Variants in ARIH1 observed in about 807,000 individuals in gnomAD.
ARIH1 encodes ariadne RBR E3 ubiquitin protein ligase 1.
A neutral mutation model predicts 85.0 loss-of-function variants in ARIH1; 8 were observed. The observed-to-expected ratio is 0.09, with a 90% CI of 0.06 to 0.17. The LOEUF is 0.17. Ranked by LOEUF, ARIH1 falls within the 10% of genes least tolerant of loss-of-function variation. The probability of loss-of-function intolerance (pLI) is 1.00; values close to 1 mark genes in which losing one functional copy is unlikely to be tolerated. For missense variants in ARIH1, 311 were observed against 718.1 expected (o/e 0.43, Z 6.48); for synonymous variants, 238 against 253.6 (o/e 0.94, Z 0.59).
chr15:72,524,844 A>G (rs1375655030), intron 2 of ARIH1, among the ~76,000 whole-genome samples: 1 of 152,232 alleles, frequency 6.6e-6, no homozygotes, highest in Non-Finnish European at 1.5e-5. Context: ...TGTTGAATTT[A>G]TAAATAAAAT....
In ARIH1 at chr15:72,586,839, T is replaced by C. The variant is rs2064319094; in HGVS notation, c.*3547T>C. On this transcript the variant is annotated 3_prime_UTR_variant, in exon 14 of 14. Coordinates refer to ENST00000379887, the MANE Select transcript of ARIH1 (RefSeq NM_005744.5). ...GATACAAAAATGTTCAATAGCTCTT[T>C]GAATGCCACTTTTTTTAAAGAAAAT... is the stretch of plus-strand genomic sequence containing the variant. 1 of 160,082 alleles carries C rather than the reference T, an allele frequency of 6.2e-6. No homozygotes were observed. Among genetic ancestry groups the C allele is most frequent in the African/African-American group, 2.4e-5 (1 of 41,502 alleles). 9.9% of individuals were successfully genotyped at this position (160,082 alleles called of 1,614,324 possible). A position where few individuals can be genotyped will look rare whatever the true frequency, so the allele number is the denominator to read the frequency against.
At chr15:72,509,899 CTT>C (rs760955928) in intron 1 of ARIH1, among the ~76,000 whole-genome samples, 14 of 143,314 alleles carry the variant, frequency 9.8e-5, no homozygotes, top group East Asian at 2.0e-4. Flanking sequence ...CCAGCCCCAC[CTT>C]TTTTTTTTTT....
chr15:72,496,269 A>G (rs1490359333), intron 1 of ARIH1, among the ~76,000 whole-genome samples: 1 of 152,168 alleles, frequency 6.6e-6, no homozygotes, highest in Non-Finnish European at 1.5e-5. Flanking sequence ...ACTGTTACAT[A>G]TTGTTTTAAG....
At chr15:72,538,965 A>G (rs1863566126) in intron 2 of ARIH1, among the ~76,000 whole-genome samples, 1 of 152,226 alleles carries the variant, frequency 6.6e-6, no homozygotes, top group Non-Finnish European at 1.5e-5. Context: ...TCACTAAGGA[A>G]AGGCTGAAGG....
chr15:72,567,972 G>A (rs553548536), intron 9 of ARIH1, among the ~76,000 whole-genome samples: 153 of 152,280 alleles, frequency 1.0e-3, no homozygotes, highest in South Asian at 3.1e-3. Context: ...ATTAAGAAGT[G>A]TGTAAACAAT....
intron 1 of ARIH1, among the ~76,000 whole-genome samples, chr15:72,488,201 A>G (rs919072660): frequency 2.0e-5 from 3 of 151,708 alleles, no homozygotes; most frequent in Non-Finnish European, 2.9e-5. Context: ...ACACCTGGCT[A>G]ATTTTTTGTA....
chr15:72,600,723 A>G lies in ARIH1; in HGVS notation c.*17431A>G, dbSNP rs2064379747. ...AAAAGAGATTGTTCTAATTATGTATATAATTAAAGTACATTAGGTTTAGTG... is the reference window on the plus strand; with the variant it reads ...AAAAGAGATTGTTCTAATTATGTATGTAATTAAAGTACATTAGGTTTAGTG... On this transcript the variant is annotated 3_prime_UTR_variant, in exon 14 of 14. Transcript: ENST00000379887. The G allele has an allele frequency of 6.6e-6, 1 of 152,194 alleles. No individual in the cohort carries two copies. The highest frequency in any genetic ancestry group is 1.5e-5 in the Non-Finnish European group (1 of 68,044). The allele number at this position is 152,194 out of a possible 1,614,324, so 9.4% of individuals were successfully genotyped here.
chr15:72,483,099 G>C (rs1397355716), intron 1 of ARIH1, among the ~76,000 whole-genome samples: 1 of 151,970 alleles, frequency 6.6e-6, no homozygotes, highest in African/African-American at 2.4e-5. Flanking sequence ...TTAATTCAAG[G>C]GATCTGCCCG....
chr15:72,546,483 G>C (rs1406692389), intron 3 of ARIH1, among the ~76,000 whole-genome samples: 3 of 152,064 alleles, frequency 2.0e-5, no homozygotes, highest in Admixed American at 1.3e-4. Flanking sequence ...AATGTCACTG[G>C]GTTTTTCTTT....
intron 2 of ARIH1, among the ~76,000 whole-genome samples, chr15:72,536,084 G>A (rs916134070): frequency 2.6e-5 from 4 of 152,066 alleles, no homozygotes; most frequent in African/African-American, 9.7e-5. Flanking sequence ...GCCAGAAGTC[G>A]TAGACAACCA....
chr15:72,496,282 C>T lies in ARIH1; in HGVS notation c.375+21268C>T, dbSNP rs962914611. ...ATACTGTTACATATTGTTTTAAGCC[C>T]CCAAAGTTGTCTTACCTAGATGTGG... On this transcript the variant is annotated intron_variant, in intron 1 of 13. Coordinates refer to ENST00000379887, the MANE Select transcript of ARIH1 (RefSeq NM_005744.5). Among the ~76,000 whole-genome samples the T allele has an allele frequency of 2.0e-5, 3 of 152,072 alleles. No homozygotes were observed. In the East Asian group the frequency reaches 5.8e-4, roughly 29 times the overall value.
Position 72,567,197 on chromosome 15 carries a change from A to G in ARIH1, c.1026+20A>G. ...ACAAAGGTTGGTGTTTTCCTTCAGT[A>G]ACTCTTGGTAATAAAAATGATAAGG... On this transcript the variant is annotated intron_variant, in intron 9 of 13. Transcript: ENST00000379887. The G allele has an allele frequency of 6.3e-7, 1 of 1,588,950 alleles. No individual in the cohort carries two copies. Among genetic ancestry groups the G allele is most frequent in the Non-Finnish European group, 8.6e-7 (1 of 1,162,066 alleles).
chr15:72,499,487 T>C (rs1441898135), intron 1 of ARIH1, among the ~76,000 whole-genome samples: 1 of 152,242 alleles, frequency 6.6e-6, no homozygotes, highest in African/African-American at 2.4e-5. Context: ...TAGTTATATG[T>C]TATCAAAATA....
At chr15:72,478,259 G>A (rs561759960) in intron 1 of ARIH1, among the ~76,000 whole-genome samples, 1 of 152,186 alleles carries the variant, frequency 6.6e-6, no homozygotes, top group Admixed American at 6.5e-5. Context: ...GGGATTACAG[G>A]TGTGCACCAC....
chr15:72,552,650 G>C (rs926171341), intron 3 of ARIH1, among the ~76,000 whole-genome samples: 1 of 152,074 alleles, frequency 6.6e-6, no homozygotes, highest in East Asian at 1.9e-4. Context: ...AGAATTTGTG[G>C]TACTGTTACA....
At chr15:72,542,344 AC>A (rs1298488199) in intron 2 of ARIH1, among the ~76,000 whole-genome samples, 1 of 152,188 alleles carries the variant, frequency 6.6e-6, no homozygotes, top group African/African-American at 2.4e-5. Context: ...AAAGAAAGCA[AC>A]CCATGAAACA....
At chr15:72,563,242 A>G in intron 6 of ARIH1, 152 bp from the exon 7 acceptor site, 1 of 594,004 alleles carries the variant, frequency 1.7e-6, no homozygotes. Context: ...TTTTTAAGGT[A>G]GAGACAAGGT....
intron 3 of ARIH1, among the ~76,000 whole-genome samples, chr15:72,549,509 A>G (rs1040541895): frequency 2.6e-4 from 40 of 152,292 alleles, no homozygotes; most frequent in African/African-American, 9.6e-4. Flanking sequence ...CCATTCCTGA[A>G]GCCCCTCTGT....
At position 72,511,214 on chromosome 15, in the gene ARIH1, C is replaced by T. The variant is rs575973111; in HGVS notation, c.376-6853C>T. 1.5e-4 allele frequency among the ~76,000 whole-genome samples: 23 copies of T among 152,248 alleles called. No individual in the cohort carries two copies. The East Asian group carries it at 3.7e-3, about 24-fold the overall frequency. The stretch of plus-strand genomic sequence containing the variant: ...ATTAAATTTATACCTATGTATTTCA[C>T]GTTTTGGTGCTATTGTAAGTGGCAC... On this transcript the variant is annotated intron_variant, in intron 1 of 13. Coordinates refer to ENST00000379887, the MANE Select transcript of ARIH1 (RefSeq NM_005744.5).
Sources: gnomAD v4.1 joint callset for allele counts (sites outside exome capture counted in the v4.1 genomes callset) on GRCh38, gnomAD v4.1.1 for gene constraint, MANE v1.5 for transcripts, NCBI Gene and HGNC (gene_info 2026-07-23, HGNC 2026-07-21) for gene names.